PAK3: variants seen among roughly 807,000 people sequenced by gnomAD.
The protein encoded by PAK3 is p21 (RAC1) activated kinase 3.
Under a neutral mutation model 41.0 loss-of-function variants are expected in PAK3, and 4 were observed. The observed-to-expected ratio is 0.10, with a 90% CI of 0.05 to 0.22. The LOEUF is 0.22. Ranked by LOEUF, PAK3 falls within the 10% of genes least tolerant of loss-of-function variation. The pLI, the probability that PAK3 is intolerant of heterozygous loss-of-function variation, is 1.00. For synonymous variants in PAK3, 146 were observed against 139.6 expected (o/e 1.05, Z -0.32); for missense variants, 205 against 409.9 (o/e 0.50, Z 4.32).
At chrX:111,130,372 G>A (rs923070369) in intron 5 of PAK3, among the ~76,000 whole-genome samples, 2 of 112,034 alleles carry the variant, frequency 1.8e-5, no homozygotes, top group East Asian at 5.7e-4. Flanking sequence ...ATTAAAGCCT[G>A]CTAATTTGTG....
chrX:111,075,457 G>A (rs751014417), intron 1 of PAK3, among the ~76,000 whole-genome samples: 5 of 112,961 alleles, frequency 4.4e-5, no homozygotes, highest in Non-Finnish European at 7.5e-5. Context: ...GGCACAAGCT[G>A]TAAGCCTTGG....
intron 7 of PAK3, among the ~76,000 whole-genome samples, chrX:111,149,498 C>A (rs1206307014): frequency 8.9e-6 from 1 of 112,219 alleles, no homozygotes; most frequent in Non-Finnish European, 1.9e-5. Context: ...AAGCTTTTGC[C>A]TGAGCATCCA....
intron 1 of PAK3, among the ~76,000 whole-genome samples, chrX:111,044,483 C>T (rs2092479531): frequency 8.9e-6 from 1 of 111,935 alleles, no homozygotes; most frequent in South Asian, 3.7e-4. Context: ...GTCAAGATTC[C>T]TGGTCTTCTC....
intron 16 of PAK3, among the ~76,000 whole-genome samples, chrX:111,201,236 T>C (rs1231675511): frequency 8.9e-6 from 1 of 112,373 alleles, no homozygotes; most frequent in African/African-American, 3.2e-5. Context: ...ACTTTTTTGG[T>C]TTCGATTTCA....
intron 1 of PAK3, among the ~76,000 whole-genome samples, chrX:111,041,972 A>T (rs1181212169): frequency 9.0e-6 from 1 of 111,396 alleles, no homozygotes; most frequent in East Asian, 2.8e-4. Context: ...ATATTTCTTT[A>T]TTACTGCATA....
intron 1 of PAK3, among the ~76,000 whole-genome samples, chrX:111,022,129 C>G (rs1227443973): frequency 9.0e-6 from 1 of 111,336 alleles, no homozygotes; most frequent in Non-Finnish European, 1.9e-5. Context: ...GGAAAACTTC[C>G]CCAGTCTTGC....
chrX:111,177,181 C>A (rs1409166940), intron 11 of PAK3, among the ~76,000 whole-genome samples: 1 of 111,876 alleles, frequency 8.9e-6, no homozygotes, highest in African/African-American at 3.2e-5. Flanking sequence ...TGTCAATAAT[C>A]ATTTGGTGTT....
chrX:111,085,479 T>C (rs2092874505), intron 1 of PAK3, among the ~76,000 whole-genome samples: 1 of 112,388 alleles, frequency 8.9e-6, no homozygotes, highest in African/African-American at 3.2e-5. Flanking sequence ...AAAGCCTTAT[T>C]TTTGTTTGAA....
At chrX:111,163,529 T>C in intron 9 of PAK3, 33 bp from the exon 10 acceptor site, 1 of 1,096,094 alleles carries the variant, frequency 9.1e-7, no homozygotes. Flanking sequence ...CTTGGCCTGC[T>C]GTTTTAATTG....
chrX:111,116,510 T>C (rs1016390447), intron 4 of PAK3, among the ~76,000 whole-genome samples: 1 of 112,095 alleles, frequency 8.9e-6, no homozygotes, highest in African/African-American at 3.2e-5. Flanking sequence ...GCTTAAGAAG[T>C]CATTTGAAAA....
chrX:111,091,982 G>A, upstream of PAK3, among the ~76,000 whole-genome samples: 1 of 111,615 alleles, frequency 9.0e-6, no homozygotes, highest in East Asian at 2.8e-4. Context: ...TGTGGGACTT[G>A]AGGCAGGGGT....
At chrX:110,949,756 A>T (rs764417522) in intron 1 of PAK3, among the ~76,000 whole-genome samples, 65 of 111,436 alleles carry the variant, frequency 5.8e-4, no homozygotes, top group African/African-American at 1.9e-3. Flanking sequence ...TGAATTCGAG[A>T]TAAAAATAGA....
intron 1 of PAK3, among the ~76,000 whole-genome samples, chrX:111,040,984 C>T (rs1195318877): frequency 1.8e-5 from 2 of 112,260 alleles, no homozygotes; most frequent in Non-Finnish European, 3.8e-5. Flanking sequence ...TTTCCAGTGG[C>T]CTCCCAGAGC....
chrX:111,211,374 C>T (rs980716138), intron 16 of PAK3, among the ~76,000 whole-genome samples: 1 of 111,138 alleles, frequency 9.0e-6, no homozygotes, highest in African/African-American at 3.3e-5. Flanking sequence ...GAGAAAAATG[C>T]ACAAATTTTC....
chrX:111,141,467 A>C (rs1355419748), intron 5 of PAK3, among the ~76,000 whole-genome samples: 6 of 112,093 alleles, frequency 5.4e-5, no homozygotes, highest in Non-Finnish European at 1.1e-4. Flanking sequence ...TCAGTAAAAA[A>C]AGCAGCAATT....
chrX:110,998,818 A>T (rs957158504), intron 1 of PAK3, among the ~76,000 whole-genome samples: 1 of 112,405 alleles, frequency 8.9e-6, no homozygotes, highest in East Asian at 2.8e-4. Context: ...GAATAAATAA[A>T]CAAAAGTAGA....
rs1033106148 is a variant in PAK3, at chrX:111,127,360, GTTGT to G, written c.175+4097_175+4100del. 1.0e-4 allele frequency among the ~76,000 whole-genome samples: 11 copies of G among 109,356 alleles called. No homozygotes were observed. The Middle Eastern group carries it at 0.014, about 141-fold the overall frequency. The allele number at this position is 109,356 out of a possible 115,157, so 95.0% of individuals were successfully genotyped here. ...CTTTGGTGAAAGCAGAGGATTTTTT[GTTGT>G]TTGTTTGTTTGTTTTTGAAGAAGTC... is the stretch of plus-strand genomic sequence containing the variant. On this transcript the variant is annotated intron_variant, in intron 5 of 17. Coordinates refer to ENST00000372007, the MANE Select transcript of PAK3 (RefSeq NM_002578.5).
intron 5 of PAK3, among the ~76,000 whole-genome samples, chrX:111,132,003 A>G (rs1023944202): frequency 9.0e-6 from 1 of 111,579 alleles, no homozygotes; most frequent in Non-Finnish European, 1.9e-5. Flanking sequence ...AAAAAAAGGA[A>G]AAACCACAGT....
Position 110,972,625 on chromosome X carries a change from G to T in PAK3, c.-28+27997G>T, listed in dbSNP as rs148442609. 4.6e-3 allele frequency among the ~76,000 whole-genome samples: 514 copies of T among 111,956 alleles called. 3 individuals are homozygous for T. The highest frequency in any genetic ancestry group is 7.7e-3 in the Non-Finnish European group (407 of 53,174). On this transcript the variant is annotated intron_variant, in intron 1 of 14. Coordinates refer to the PAK3 transcript ENST00000425146. ...GGGGAGAAACCAGAGCAGAAAGGGGGAAAATTCTAAAAATCAGAGTGCCTC... is the reference window on the plus strand; with the variant it reads ...GGGGAGAAACCAGAGCAGAAAGGGGTAAAATTCTAAAAATCAGAGTGCCTC...
Sources: allele counts gnomAD v4.1 joint callset (sites outside exome capture counted in the v4.1 genomes callset), GRCh38; gene constraint gnomAD v4.1.1; transcripts MANE v1.5; gene names NCBI Gene and HGNC (gene_info 2026-07-23, HGNC 2026-07-21).